The following TBC1D24 variants were observed in gnomAD, a reference collection of about 807,000 sequenced individuals.
TBC1D24 encodes Infantile myoclonic epilepsy.
A neutral mutation model predicts 50.7 loss-of-function variants in TBC1D24; 47 were observed. The ratio of observed to expected loss-of-function variants is 0.93; its 90% CI spans 0.73 to 1.18. TBC1D24 has a LOEUF of 1.18. TBC1D24 is among the 50% of genes most tolerant of loss of function. TBC1D24 has a pLI of 0.00. For missense variants in TBC1D24, 688 were observed against 766.5 expected (o/e 0.90, Z 1.21); for synonymous variants, 324 against 335.2 (o/e 0.97, Z 0.36).
intron 1 of TBC1D24, among the ~76,000 whole-genome samples, chr16:2,493,051 C>T (rs182691950): frequency 6.6e-5 from 10 of 151,944 alleles, no homozygotes; most frequent in Admixed American, 4.6e-4. Context: ...TGAGATTACG[C>T]CACTGCACTC....
In TBC1D24 at chr16:2,475,526, T is replaced by A. The variant is rs1596949679; in HGVS notation, c.-116+356T>A. On this transcript the variant is annotated intron_variant, in intron 1 of 7. Transcript: ENST00000646147. The surrounding 1 kb of genome is among the most constrained non-coding windows in gnomAD (Gnocchi z 4.2). ...TGGGGCGCTTTCCGTCTCCGCAGGG[T>A]CGGAAATCCTCTTGGGGGCTCGGTG... 6.6e-6 allele frequency among the ~76,000 whole-genome samples: 1 copy of A among 151,248 alleles called. No homozygotes were observed. The highest frequency in any genetic ancestry group is 2.0e-4 in the East Asian group (1 of 5,052).
Position 2,487,587 on chromosome 16 carries a change from C to T in TBC1D24, c.-115-8447C>T, listed in dbSNP as rs932526793. On this transcript the variant is annotated intron_variant, in intron 1 of 7. Transcript: ENST00000646147. The surrounding 1 kb of genome is among the most constrained non-coding windows in gnomAD (Gnocchi z 4.1). ...GCAGAGGCCTCGTGACTCAGGCTGT[C>T]AGGCCTGGAGTTTGGTGCTGGAGTT... Among the ~76,000 whole-genome samples the T allele has an allele frequency of 6.6e-6, 1 of 152,054 alleles. No individual in the cohort carries two copies. Among genetic ancestry groups the T allele is most frequent in the African/African-American group, 2.4e-5 (1 of 41,346 alleles).
Position 2,482,462 on chromosome 16 carries a change from C to T in TBC1D24, c.-116+7292C>T. On this transcript the variant is annotated intron_variant, in intron 1 of 7. Coordinates refer to ENST00000646147, the MANE Select transcript of TBC1D24 (RefSeq NM_001199107.2). This position sits in a 1 kb window ranked among gnomAD's most constrained non-coding sequence, Gnocchi z 5.2. The stretch of plus-strand genomic sequence containing the variant: ...AGAAAGCGAAAGGGGACAGGTGTCT[C>T]CTGCCACTCTGAACAGTGACATTCC... 6.6e-6 allele frequency among the ~76,000 whole-genome samples: 1 copy of T among 152,170 alleles called. No individual in the cohort carries two copies. Among genetic ancestry groups the T allele is most frequent in the South Asian group, 2.1e-4 (1 of 4,824 alleles).
At chr16:2,498,719 CCT>C (rs1233746311) in intron 4 of TBC1D24, among the ~76,000 whole-genome samples, 4 of 152,246 alleles carry the variant, frequency 2.6e-5, no homozygotes, top group African/African-American at 9.6e-5. Context: ...CGCTCCCCAC[CCT>C]GTCATCCACA....
Position 2,503,189 on chromosome 16 carries a change from G to T in TBC1D24, c.*2231G>T, listed in dbSNP as rs1596975730. 2 of 152,346 alleles carry T rather than the reference G, an allele frequency of 1.3e-5. No homozygotes were observed. The highest frequency in any genetic ancestry group is 3.9e-4 in the East Asian group (2 of 5,194). 9.4% of individuals were successfully genotyped at this position (152,346 alleles called of 1,614,324 possible). ...TGGACCAGGAAGACGGATTGCTGCTGGGTCATGATTTCCACATCATGAGCG... is the reference window on the plus strand; with the variant it reads ...TGGACCAGGAAGACGGATTGCTGCTTGGTCATGATTTCCACATCATGAGCG... On this transcript the variant is annotated 3_prime_UTR_variant, in exon 8 of 8. Coordinates refer to ENST00000646147, the MANE Select transcript of TBC1D24 (RefSeq NM_001199107.2).
rs1223976516 is a variant in TBC1D24, at chr16:2,487,496, AAG to A, written c.-115-8533_-115-8532del. Reference sequence around the variant, plus strand: ...ATGTGTGTTCTGTCTTTGTACATGAAAGAGAGTTTGTTTTCAAATCCGGTTGT... The same window carrying A: ...ATGTGTGTTCTGTCTTTGTACATGAAAGAGTTTGTTTTCAAATCCGGTTGT... On this transcript the variant is annotated intron_variant, in intron 1 of 7. Transcript: ENST00000646147. The surrounding 1 kb of genome is among the most constrained non-coding windows in gnomAD (Gnocchi z 4.1). 1.3e-5 allele frequency among the ~76,000 whole-genome samples: 2 copies of A among 152,318 alleles called. No individual in the cohort carries two copies. Among genetic ancestry groups the A allele is most frequent in the African/African-American group, 4.8e-5 (2 of 41,564 alleles).
rs565287574 is a variant in TBC1D24 at position 2,491,030 on chromosome 16, A to G, written c.-115-5004A>G. On this transcript the variant is annotated intron_variant, in intron 1 of 7. Coordinates refer to ENST00000646147, the MANE Select transcript of TBC1D24 (RefSeq NM_001199107.2). ...CTCCAGAGTGTGGGCACTCAAGCCC[A>G]TAAGTGCTCCAGCCTGGGATAGTTT... Among the ~76,000 whole-genome samples the G allele has an allele frequency of 5.3e-5, 8 of 152,372 alleles. No homozygotes were observed. In the East Asian group the frequency reaches 1.3e-3, roughly 26 times the overall value.
In TBC1D24 at chr16:2,487,015, C is replaced by T. The variant is rs985259044; in HGVS notation, c.-115-9019C>T. On this transcript the variant is annotated intron_variant, in intron 1 of 7. Coordinates refer to ENST00000646147, the MANE Select transcript of TBC1D24 (RefSeq NM_001199107.2). This position sits in a 1 kb window ranked among gnomAD's most constrained non-coding sequence, Gnocchi z 4.1. The stretch of plus-strand genomic sequence containing the variant: ...GGGCCACCAGGGGGATTTTTGTAAA[C>T]GCAGATCTGATCGGGTCACCTGCCT... 2.0e-5 allele frequency among the ~76,000 whole-genome samples: 3 copies of T among 152,216 alleles called. No homozygotes were observed. Among genetic ancestry groups the T allele is most frequent in the Non-Finnish European group, 1.5e-5 (1 of 68,032 alleles).
intron 1 of TBC1D24, among the ~76,000 whole-genome samples, chr16:2,492,867 C>T (rs1193424679): frequency 1.3e-5 from 2 of 151,920 alleles, no homozygotes; most frequent in Non-Finnish European, 2.9e-5. Flanking sequence ...CTGAGGCGGG[C>T]GGATCACCTG....
intron 2 of TBC1D24, among the ~76,000 whole-genome samples, chr16:2,497,366 C>A (rs2065752747): frequency 1.3e-5 from 2 of 152,242 alleles, no homozygotes; most frequent in Non-Finnish European, 1.5e-5. Context: ...CATGGGGTCG[C>A]AAGGCATCGT....
intron 1 of TBC1D24, chr16:2,476,742 A>G (rs1157520559): frequency 6.6e-6 from 1 of 152,250 alleles, no homozygotes; most frequent in Non-Finnish European, 1.5e-5. Flanking sequence ...GATGTCAACT[A>G]TTGCAGTGGC....
intron 4 of TBC1D24, among the ~76,000 whole-genome samples, chr16:2,498,707 C>T (rs2065765246): frequency 6.6e-6 from 1 of 152,240 alleles, no homozygotes; most frequent in Non-Finnish European, 1.5e-5. Context: ...CCTGGCTGTG[C>T]TCGCTCCCCA....
At chr16:2,477,421 C>G (rs767716384) in intron 1 of TBC1D24, 3 of 152,148 alleles carry the variant, frequency 2.0e-5, no homozygotes, top group African/African-American at 7.2e-5. Flanking sequence ...AAAAATTAGC[C>G]AAGTATGGTG....
Position 2,496,985 on chromosome 16 carries a change from G to T in TBC1D24, c.837G>T (p.Thr279=). The change falls in exon 2 of 8, where the codon ACG becomes ACT. Residue 279 remains threonine (T), a synonymous_variant. Coordinates refer to ENST00000646147, the MANE Select transcript of TBC1D24 (RefSeq NM_001199107.2). ...IRTFVRDIAK[T]VSPEKLLEKA... ...CGTTCGTCAGAGACATCGCGAAGAC[G>T]GTGTCCCCTGAGAAGCTGCTGGAGA... The T allele has an allele frequency of 6.2e-7, 1 of 1,613,966 alleles. No individual in the cohort carries two copies. The highest frequency in any genetic ancestry group is 2.2e-5 in the East Asian group (1 of 44,890).
Position 2,500,748 on chromosome 16 carries a change from G to A in TBC1D24, c.1526-56G>A, listed in dbSNP as rs2065785862. On this transcript the variant is annotated intron_variant, in intron 7 of 7. Coordinates refer to ENST00000646147, the MANE Select transcript of TBC1D24 (RefSeq NM_001199107.2). This position sits in a 1 kb window ranked among gnomAD's most constrained non-coding sequence, Gnocchi z 8.0. ...GGACAGCTGGGACAGCAGGTGAGGT[G>A]CCTGGGTCAGTGCTGATAGGGCAGT... 1.9e-6 allele frequency: 3 copies of A among 1,559,048 alleles called. No homozygotes were observed. Among genetic ancestry groups the A allele is most frequent in the Admixed American group, 1.8e-5 (1 of 54,928 alleles).
Position 2,503,408 on chromosome 16 carries a change from T to G in TBC1D24, c.*2450T>G, listed in dbSNP as rs148931814. On this transcript the variant is annotated 3_prime_UTR_variant, in exon 8 of 8. Transcript: ENST00000646147. Reference sequence around the variant, plus strand: ...TTTTGTTAATGTTCTCTATTTCTTCTTGATTATTTATTAGCTTTGGATGTT... The same window carrying G: ...TTTTGTTAATGTTCTCTATTTCTTCGTGATTATTTATTAGCTTTGGATGTT... 6.6e-6 allele frequency: 1 copy of G among 152,260 alleles called. No individual in the cohort carries two copies. Among genetic ancestry groups the G allele is most frequent in the East Asian group, 1.9e-4 (1 of 5,188 alleles). The allele number at this position is 152,260 out of a possible 1,614,324, so 9.4% of individuals were successfully genotyped here.
rs918153456 is a variant in TBC1D24 at position 2,486,143 on chromosome 16, A to G, written c.-115-9891A>G. ...ATCCCCGCAGCACTTGGCAAGGTCC[A>G]GGGGCTTCCGTGGGGAGCGAGATTG... On this transcript the variant is annotated intron_variant, in intron 1 of 7. Coordinates refer to ENST00000646147, the MANE Select transcript of TBC1D24 (RefSeq NM_001199107.2). This position sits in a 1 kb window ranked among gnomAD's most constrained non-coding sequence, Gnocchi z 5.8. Among the ~76,000 whole-genome samples the G allele has an allele frequency of 7.9e-5, 12 of 152,190 alleles. No individual in the cohort carries two copies. The highest frequency in any genetic ancestry group is 1.3e-4 in the Non-Finnish European group (9 of 68,032).
intron 2 of TBC1D24, 58 bp from the exon 3 acceptor site, chr16:2,497,652 C>T: frequency 6.6e-7 from 1 of 1,515,544 alleles, no homozygotes; most frequent in Non-Finnish European, 8.9e-7. Flanking sequence ...TCACACTAAC[C>T]TCTCTTTGTC....
intron 1 of TBC1D24, among the ~76,000 whole-genome samples, chr16:2,490,706 G>A (rs906886692): frequency 8.5e-5 from 13 of 152,216 alleles, no homozygotes; most frequent in African/African-American, 2.9e-4. Flanking sequence ...CATGGCAACC[G>A]CAGGTTAGGG....
Sources: allele counts gnomAD v4.1 joint callset (sites outside exome capture counted in the v4.1 genomes callset), GRCh38; gene constraint gnomAD v4.1.1; non-coding constraint Gnocchi (gnomAD v3.1); transcripts MANE v1.5; gene names NCBI Gene and HGNC (gene_info 2026-07-23, HGNC 2026-07-21).